The following LRRTM3 variants were observed in gnomAD, a reference collection of about 807,000 sequenced individuals.
LRRTM3 encodes the protein leucine rich repeat transmembrane neuronal 3.
A neutral mutation model predicts 44.7 loss-of-function variants in LRRTM3; 24 were observed. The observed-to-expected ratio is 0.54, with a 90% CI of 0.39 to 0.76. The LOEUF is 0.76. Ranked by LOEUF, LRRTM3 falls within the 30% of genes least tolerant of loss-of-function variation. The probability of loss-of-function intolerance (pLI) is 0.00; values close to 1 mark genes in which losing one functional copy is unlikely to be tolerated. For missense variants in LRRTM3, 587 were observed against 702.2 expected (o/e 0.84, Z 1.85); for synonymous variants, 277 against 278.7 (o/e 0.99, Z 0.06).
intron 2 of LRRTM3, among the ~76,000 whole-genome samples, chr10:67,023,400 C>T (rs555492517): frequency 6.6e-6 from 1 of 152,230 alleles, no homozygotes; most frequent in East Asian, 1.9e-4. Context: ...AAGCATCAAA[C>T]TTCAGCAATA....
At chr10:66,964,803 C>G (rs1279131169) in intron 2 of LRRTM3, among the ~76,000 whole-genome samples, 1 of 152,192 alleles carries the variant, frequency 6.6e-6, no homozygotes, top group Non-Finnish European at 1.5e-5. Context: ...GAGAGGCAGA[C>G]TGCAAACCCA....
chr10:67,011,365 G>A (rs567204657), intron 2 of LRRTM3, among the ~76,000 whole-genome samples: 17 of 150,782 alleles, frequency 1.1e-4, no homozygotes, highest in African/African-American at 4.1e-4. Context: ...AAGCTAGCCT[G>A]TTCTGTTTTT....
intron 2 of LRRTM3, among the ~76,000 whole-genome samples, chr10:67,055,416 C>T (rs915888683): frequency 7.8e-6 from 1 of 128,816 alleles, no homozygotes; most frequent in African/African-American, 2.9e-5. Context: ...CACAACAGAA[C>T]TTTACACAGT....
intron 2 of LRRTM3, among the ~76,000 whole-genome samples, chr10:66,953,411 GTTTAT>G (rs1005927478): frequency 2.0e-5 from 3 of 152,202 alleles, no homozygotes; most frequent in East Asian, 1.9e-4. Context: ...AATCAAGGAG[GTTTAT>G]TTTAAGATTT....
intron 2 of LRRTM3, among the ~76,000 whole-genome samples, chr10:67,019,294 C>A (rs945541137): frequency 6.6e-6 from 1 of 152,170 alleles, no homozygotes; most frequent in Admixed American, 6.5e-5. Context: ...TCTTGGCTCA[C>A]CACAACCTCT....
intron 2 of LRRTM3, among the ~76,000 whole-genome samples, chr10:67,057,725 C>T (rs1335689780): frequency 6.6e-6 from 1 of 152,138 alleles, no homozygotes; most frequent in Non-Finnish European, 1.5e-5. Context: ...CATTTTACCA[C>T]CACCACCACG....
At chr10:67,015,511 C>T (rs756496438) in intron 2 of LRRTM3, 16 of 152,150 alleles carry the variant, frequency 1.1e-4, no homozygotes, top group East Asian at 3.8e-4. Context: ...TCTCATATTA[C>T]GTGGAAATTG....
intron 2 of LRRTM3, among the ~76,000 whole-genome samples, chr10:67,048,295 C>T (rs189182345): frequency 1.1e-3 from 174 of 152,066 alleles, no homozygotes; most frequent in Admixed American, 7.9e-4. Flanking sequence ...TATTGTTAAA[C>T]GTATTTAAAA....
intron 2 of LRRTM3, among the ~76,000 whole-genome samples, chr10:66,938,563 G>A (rs1026654328): frequency 9.2e-5 from 14 of 152,158 alleles, no homozygotes; most frequent in African/African-American, 3.4e-4. Context: ...CTGAGGAGGA[G>A]ATAGAGAAGC....
At chr10:67,014,843 A>C (rs188916732) in intron 2 of LRRTM3, among the ~76,000 whole-genome samples, 76 of 152,240 alleles carry the variant, frequency 5.0e-4, no homozygotes, top group Admixed American at 8.5e-4. Context: ...CCAAGGTAGA[A>C]AAATGGTCAG....
chr10:67,063,977 C>G (rs1309085715), intron 2 of LRRTM3, among the ~76,000 whole-genome samples: 1 of 152,202 alleles, frequency 6.6e-6, no homozygotes, highest in East Asian at 1.9e-4. Flanking sequence ...AAAAGTAACA[C>G]AGTCAGTTGG....
chr10:66,931,494 G>A (rs770307074), intron 2 of LRRTM3, among the ~76,000 whole-genome samples: 12 of 152,052 alleles, frequency 7.9e-5, no homozygotes, highest in Non-Finnish European at 1.6e-4. Flanking sequence ...TTGATTTGGT[G>A]AGTGAACTAC....
intron 2 of LRRTM3, among the ~76,000 whole-genome samples, chr10:67,080,930 A>G (rs200263953): frequency 2.8e-5 from 1 of 35,326 alleles, no homozygotes; most frequent in Admixed American, 2.2e-4. Context: ...AAAAACAAAA[A>G]AACAACAAAA....
intron 2 of LRRTM3, among the ~76,000 whole-genome samples, chr10:66,953,364 G>A (rs1436647996): frequency 2.0e-5 from 3 of 152,162 alleles, no homozygotes; most frequent in Admixed American, 6.6e-5. Flanking sequence ...GCTCACTGCC[G>A]GTTGTCTGAA....
chr10:66,972,650 A>G lies in LRRTM3; in HGVS notation c.1536+44198A>G, dbSNP rs551504814. Among the ~76,000 whole-genome samples the G allele has an allele frequency of 1.7e-4, 26 of 151,704 alleles. No homozygotes were observed. In the South Asian group the frequency reaches 5.4e-3, roughly 32 times the overall value. On this transcript the variant is annotated intron_variant, in intron 2 of 2. Coordinates refer to ENST00000361320, the MANE Select transcript of LRRTM3 (RefSeq NM_178011.5). ...GTAAGACATGAACATAAGCAAACCC[A>G]TAATATTAAAAGCTTTATATAGATA...
chr10:66,958,257 A>C (rs79316991), intron 2 of LRRTM3, among the ~76,000 whole-genome samples: 2,358 of 145,584 alleles, frequency 0.016, 75 homozygotes, highest in African/African-American at 0.057. Flanking sequence ...GCAACTTAGC[A>C]TTTATTGGTT....
At chr10:66,989,889 G>C (rs554407528) in intron 2 of LRRTM3, among the ~76,000 whole-genome samples, 1 of 152,148 alleles carries the variant, frequency 6.6e-6, no homozygotes, top group East Asian at 1.9e-4. Context: ...AGCGGCAATA[G>C]GACTTACCAC....
intron 2 of LRRTM3, among the ~76,000 whole-genome samples, chr10:66,989,507 T>A (rs888207194): frequency 2.0e-5 from 3 of 152,170 alleles, no homozygotes; most frequent in Non-Finnish European, 4.4e-5. Context: ...ATGGTTTGAT[T>A]GTTATATATG....
intron 2 of LRRTM3, among the ~76,000 whole-genome samples, chr10:66,999,228 A>G (rs1370904299): frequency 2.6e-5 from 4 of 152,146 alleles, no homozygotes; most frequent in Non-Finnish European, 5.9e-5. Flanking sequence ...ACATGATTTT[A>G]TGCATTAAAA....
Sources: gnomAD v4.1 joint callset for allele counts (sites outside exome capture counted in the v4.1 genomes callset) on GRCh38, gnomAD v4.1.1 for gene constraint, MANE v1.5 for transcripts, NCBI Gene and HGNC (gene_info 2026-07-23, HGNC 2026-07-21) for gene names.